Variants in SPECC1 observed in about 807,000 individuals in gnomAD.
The protein encoded by SPECC1 is cytospin-B.
A neutral mutation model predicts 104.1 loss-of-function variants in SPECC1; 62 were observed. The observed-to-expected ratio is 0.60, with a 90% CI of 0.49 to 0.74. The LOEUF (loss-of-function observed/expected upper bound fraction) is 0.74. Ranked by LOEUF, SPECC1 falls within the 30% of genes least tolerant of loss-of-function variation. The pLI, the probability that SPECC1 is intolerant of heterozygous loss-of-function variation, is 0.00. For synonymous variants in SPECC1, 513 were observed against 501.6 expected, an observed-to-expected ratio of 1.02 and a Z score of -0.30; for missense variants, 1,306 against 1,310.5, an observed-to-expected ratio of 1.00 and a Z score of 0.05.
At chr17:20,055,286 A>AT (rs2045920399) in intron 1 of SPECC1, among the ~76,000 whole-genome samples, 1 of 151,420 alleles carries the variant, frequency 6.6e-6, no homozygotes, top group Non-Finnish European at 1.5e-5. Flanking sequence ...TAGAGGCTGA[A>AT]TAGTACTCCA....
Position 20,096,730 on chromosome 17 carries a change from G to A in SPECC1, c.79G>A (p.Ala27Thr). 6.2e-7 allele frequency: 1 copy of A among 1,614,232 alleles called. No individual in the cohort carries two copies. The highest frequency in any genetic ancestry group is 8.5e-7 in the Non-Finnish European group (1 of 1,180,028). Residue 27 changes from alanine to threonine, a missense_variant, in exon 2 of 15, where the codon GCA becomes ACA. Transcript: ENST00000395527. ...HGPDRVRPLP[A>T]ASSGMKSSKS... ...CCCAGACCGGGTGCGGCCTCTGCCT[G>A]CAGCCTCTTCCGGCATGAAGAGTTC...
intron 3 of SPECC1, among the ~76,000 whole-genome samples, chr17:20,161,015 A>C (rs898044720): frequency 5.3e-5 from 8 of 152,212 alleles, no homozygotes; most frequent in Non-Finnish European, 8.8e-5. Context: ...TTTTGAGACC[A>C]GCCTGGCCAA....
At chr17:20,199,839 G>T (rs2036296091) in intron 3 of SPECC1, among the ~76,000 whole-genome samples, 1 of 152,032 alleles carries the variant, frequency 6.6e-6, no homozygotes, top group Non-Finnish European at 1.5e-5. Flanking sequence ...GCCCAGGCTG[G>T]CGTGCAGTGG....
chr17:20,150,191 G>T (rs1480257568), intron 3 of SPECC1, among the ~76,000 whole-genome samples: 2 of 151,166 alleles, frequency 1.3e-5, no homozygotes, highest in Non-Finnish European at 1.5e-5. Flanking sequence ...CACCGTTTTA[G>T]TCCGGATGGT....
chr17:20,132,811 C>A (rs534060503), intron 3 of SPECC1, among the ~76,000 whole-genome samples: 1 of 152,096 alleles, frequency 6.6e-6, no homozygotes, highest in African/African-American at 2.4e-5. Flanking sequence ...GTGATCTCGG[C>A]TCACTGCAAG....
At chr17:20,185,210 A>G (rs895061987) in intron 3 of SPECC1, 3 of 152,314 alleles carry the variant, frequency 2.0e-5, no homozygotes, top group African/African-American at 7.2e-5. Flanking sequence ...CTTGTCCCAC[A>G]TGCCCTCCTA....
At chr17:20,237,204 T>C (rs1213239792) in intron 7 of SPECC1, 32 of 1,280,152 alleles carry the variant, frequency 2.5e-5, no homozygotes, top group Non-Finnish European at 3.1e-5. Flanking sequence ...AAAAGTTATT[T>C]GCAGCTGGAG....
chr17:20,089,294 A>G (rs11867585), intron 1 of SPECC1, among the ~76,000 whole-genome samples: 77,284 of 152,034 alleles, frequency 0.51, 20,143 homozygotes, highest in Middle Eastern at 0.61. Context: ...ACATGGTGCC[A>G]GTCTCTTAGT....
chr17:20,304,117 C>CA (rs774130653), intron 13 of SPECC1, among the ~76,000 whole-genome samples: 649 of 39,356 alleles, frequency 0.016, 19 homozygotes, highest in Non-Finnish European at 0.017. Flanking sequence ...ACTAAAAATA[C>CA]AAAAAAAAAA....
At chr17:20,160,480 G>T (rs2033037631) in intron 3 of SPECC1, among the ~76,000 whole-genome samples, 1 of 152,140 alleles carries the variant, frequency 6.6e-6, no homozygotes, top group Admixed American at 6.5e-5. Flanking sequence ...ATCAAGCAGA[G>T]AGCATGCATA....
chr17:20,222,216 C>T (rs1036134662), intron 4 of SPECC1, among the ~76,000 whole-genome samples: 1 of 151,980 alleles, frequency 6.6e-6, no homozygotes, highest in Non-Finnish European at 1.5e-5. Context: ...ACCTGTAGTC[C>T]CAGCTACTTG....
chr17:20,088,415 C>T (rs2047262712), intron 1 of SPECC1, among the ~76,000 whole-genome samples: 1 of 152,122 alleles, frequency 6.6e-6, no homozygotes, highest in Non-Finnish European at 1.5e-5. Flanking sequence ...TGAGGGGAGG[C>T]TGCAGCACCC....
intron 1 of SPECC1, among the ~76,000 whole-genome samples, chr17:20,061,218 C>T (rs1186997620): frequency 6.6e-6 from 1 of 152,128 alleles, no homozygotes; most frequent in East Asian, 1.9e-4. Flanking sequence ...ATTACAGGTG[C>T]CCGCCACCAC....
At chr17:20,023,955 C>G (rs1211786855) in intron 1 of SPECC1, among the ~76,000 whole-genome samples, 1 of 151,910 alleles carries the variant, frequency 6.6e-6, no homozygotes, top group Non-Finnish European at 1.5e-5. Context: ...AAACTATAGA[C>G]CAAATTTACG....
chr17:20,030,825 G>GC (rs1185209355), intron 1 of SPECC1, among the ~76,000 whole-genome samples: 1 of 151,612 alleles, frequency 6.6e-6, no homozygotes, highest in Non-Finnish European at 1.5e-5. Context: ...TTCATTTCCT[G>GC]CCCCCCAGCC....
chr17:20,217,369 T>C (rs1190204030), intron 4 of SPECC1, among the ~76,000 whole-genome samples: 2 of 152,030 alleles, frequency 1.3e-5, no homozygotes, highest in East Asian at 1.9e-4. Context: ...TAGTGATGTG[T>C]GCATGTGAAA....
intron 1 of SPECC1, among the ~76,000 whole-genome samples, chr17:20,028,962 A>G (rs1462362702): frequency 6.6e-6 from 1 of 152,092 alleles, no homozygotes; most frequent in South Asian, 2.1e-4. Flanking sequence ...GGGTTTCTCC[A>G]TGTTGGTCAG....
intron 12 of SPECC1, among the ~76,000 whole-genome samples, chr17:20,282,079 A>G (rs552238764): frequency 4.8e-4 from 73 of 152,394 alleles, no homozygotes; most frequent in Non-Finnish European, 8.7e-4. Context: ...CCGCAGGCCC[A>G]TGCTTGCAAG....
At chr17:20,188,276 TG>T (rs2035416368) in intron 3 of SPECC1, among the ~76,000 whole-genome samples, 1 of 151,656 alleles carries the variant, frequency 6.6e-6, no homozygotes, top group Non-Finnish European at 1.5e-5. Context: ...TTTCTTTTTT[TG>T]GGACAGAGTC....
Sources: allele counts gnomAD v4.1 joint callset (sites outside exome capture counted in the v4.1 genomes callset), GRCh38; gene constraint gnomAD v4.1.1; transcripts MANE v1.5; gene names NCBI Gene and HGNC (gene_info 2026-07-23, HGNC 2026-07-21).